The following DYNC2H1 variants were observed in gnomAD, a reference collection of about 807,000 sequenced individuals.
DYNC2H1 encodes the protein cytoplasmic dynein 2 heavy chain 1.
A neutral mutation model predicts 570.0 loss-of-function variants in DYNC2H1; 410 were observed. The ratio of observed to expected loss-of-function variants is 0.72; its 90% CI spans 0.66 to 0.78. The LOEUF (loss-of-function observed/expected upper bound fraction) is 0.78, where lower values mean the gene tolerates loss of function less well. DYNC2H1 is among the 30% of genes least tolerant of loss of function. DYNC2H1 has a pLI of 0.00. For synonymous variants in DYNC2H1, 1,688 were observed against 1,677.6 expected, an observed-to-expected ratio of 1.01 and a Z score of -0.15; for missense variants, 4,865 against 5,046.4, an observed-to-expected ratio of 0.96 and a Z score of 1.09.
At chr11:103,354,409 T>A (rs1247660741) in intron 82 of DYNC2H1, among the ~76,000 whole-genome samples, 1 of 152,122 alleles carries the variant, frequency 6.6e-6, no homozygotes, top group East Asian at 1.9e-4. Context: ...TACAATACGG[T>A]GATTTAGAAT....
intron 84 of DYNC2H1, among the ~76,000 whole-genome samples, chr11:103,419,631 G>T (rs1943410578): frequency 6.6e-6 from 1 of 150,952 alleles, no homozygotes; most frequent in Non-Finnish European, 1.5e-5. Context: ...AACCCCAAAG[G>T]TCAGCAACCT....
chr11:103,310,368 T>C (rs1473096842), intron 78 of DYNC2H1, among the ~76,000 whole-genome samples: 2 of 152,156 alleles, frequency 1.3e-5, no homozygotes, highest in African/African-American at 4.8e-5. Flanking sequence ...GCTTAATATG[T>C]CTTTGGCTTT....
At chr11:103,441,380 T>C (rs1565602371) in intron 85 of DYNC2H1, among the ~76,000 whole-genome samples, 1 of 150,658 alleles carries the variant, frequency 6.6e-6, no homozygotes, top group Non-Finnish European at 1.5e-5. Flanking sequence ...TACTTCTTAC[T>C]CTCTTTTCCA....
rs1320502936 is a variant in DYNC2H1 at position 103,363,106 on chromosome 11, G to A, written c.12156+4747G>A. ...TTAAGTATACTGACAGCTGGTCTAG[G>A]TTTAGCTTGATTTTTATCCTGTTAT... is the stretch of plus-strand genomic sequence containing the variant. On this transcript the variant is annotated intron_variant, in intron 83 of 88. Transcript: ENST00000375735. This position sits in a 1 kb window ranked among gnomAD's most constrained non-coding sequence, Gnocchi z 5.6. Among the ~76,000 whole-genome samples, 1 of 151,962 alleles carries A rather than the reference G, an allele frequency of 6.6e-6. No homozygotes were observed. The highest frequency in any genetic ancestry group is 1.5e-5 in the Non-Finnish European group (1 of 68,002).
At chr11:103,153,606 C>A (rs1033902186) in intron 22 of DYNC2H1, 98 bp downstream of exon 22, 9 of 1,078,130 alleles carry the variant, frequency 8.3e-6, no homozygotes, top group African/African-American at 1.6e-5. Flanking sequence ...GATAACTTTC[C>A]TCATAAACTT....
chr11:103,183,472 C>T (rs940328885), intron 40 of DYNC2H1, among the ~76,000 whole-genome samples: 4 of 151,818 alleles, frequency 2.6e-5, no homozygotes, highest in Admixed American at 2.0e-4. Context: ...TTTGAGGTCA[C>T]ACCGCTGTTT....
intron 29 of DYNC2H1, among the ~76,000 whole-genome samples, chr11:103,162,082 T>C (rs1383955801): frequency 6.6e-6 from 1 of 152,168 alleles, no homozygotes; most frequent in Non-Finnish European, 1.5e-5. Context: ...TGTAGTTTTG[T>C]TGGATATACA....
intron 82 of DYNC2H1, among the ~76,000 whole-genome samples, chr11:103,330,779 A>C (rs1185126770): frequency 6.6e-6 from 1 of 151,934 alleles, no homozygotes; most frequent in Non-Finnish European, 1.5e-5. Flanking sequence ...CAGTACTTTT[A>C]TCTTTCTAAT....
rs1358218878 is a variant in DYNC2H1, at chr11:103,153,408, A to G, written c.3202A>G (p.Ile1068Val). The G allele has an allele frequency of 3.8e-6, 6 of 1,560,856 alleles. No homozygotes were observed. The African/African-American group carries it at 4.1e-5, about 11-fold the overall frequency. Reference sequence around the variant, plus strand: ...CCAACTAAAGCCTGGTGATGATGTTATTGAAACTGGCCAACATAATACTCT... The same window carrying G: ...CCAACTAAAGCCTGGTGATGATGTTGTTGAAACTGGCCAACATAATACTCT... The part of the protein sequence containing the change: ...WDQLKPGDDV[I>V]ETGQHNTLDK... Residue 1068 changes from isoleucine (I) to valine (V), a missense_variant, in exon 22 of 89, where the codon ATT (isoleucine) becomes GTT (valine). Physicochemically the swap from Ile to Val is conservative, Grantham distance 29. Around this residue, in one of 5 missense-constraint regions of DYNC2H1, gnomAD observed 1,936 missense variants for 1,962.1 expected, o/e 0.99. Coordinates refer to ENST00000375735, the MANE Select transcript of DYNC2H1 (RefSeq NM_001377.3).
At chr11:103,450,489 C>T (rs990405389) in intron 85 of DYNC2H1, among the ~76,000 whole-genome samples, 4 of 152,150 alleles carry the variant, frequency 2.6e-5, no homozygotes, top group African/African-American at 9.7e-5. Flanking sequence ...ACAAAGTATG[C>T]TTTCTCACCA....
chr11:103,467,655 C>T (rs1455801515), intron 87 of DYNC2H1, among the ~76,000 whole-genome samples: 2 of 152,020 alleles, frequency 1.3e-5, no homozygotes, highest in African/African-American at 2.4e-5. Context: ...CTCCTGCCTC[C>T]GCCTCCAGAG....
intron 1 of DYNC2H1, among the ~76,000 whole-genome samples, chr11:103,111,375 G>A (rs535130160): frequency 6.6e-6 from 1 of 152,302 alleles, no homozygotes; most frequent in South Asian, 2.1e-4. Flanking sequence ...TAGCCATAAC[G>A]ACATTGTAAG....
chr11:103,147,916 A>G (rs764578744), intron 19 of DYNC2H1, 29 bp downstream of exon 19: 1 of 1,463,310 alleles, frequency 6.8e-7, no homozygotes, highest in South Asian at 1.2e-5. Flanking sequence ...TTTTATTTTT[A>G]CTTAATTTGA....
At chr11:103,193,620 C>T (rs1250954990) in intron 47 of DYNC2H1, among the ~76,000 whole-genome samples, 7 of 151,798 alleles carry the variant, frequency 4.6e-5, no homozygotes, top group East Asian at 1.9e-4. Context: ...CTCGGCCCAC[C>T]GCAACCTCCG....
intron 83 of DYNC2H1, among the ~76,000 whole-genome samples, chr11:103,388,177 C>A (rs1165059897): frequency 1.3e-5 from 2 of 151,822 alleles, no homozygotes; most frequent in African/African-American, 4.8e-5. Context: ...CTTTTATTTC[C>A]TTGAGCAGTG....
At chr11:103,413,328 C>T (rs1003327575) in intron 84 of DYNC2H1, among the ~76,000 whole-genome samples, 5 of 152,018 alleles carry the variant, frequency 3.3e-5, no homozygotes, top group Non-Finnish European at 5.9e-5. Flanking sequence ...TAATTATAAA[C>T]GTTGAATAAT....
chr11:103,175,786 A>C (rs1292379061), intron 36 of DYNC2H1, among the ~76,000 whole-genome samples: 2 of 152,304 alleles, frequency 1.3e-5, no homozygotes, highest in Admixed American at 1.3e-4. Context: ...CTGGAATTGA[A>C]TCTTAGCTGT....
At chr11:103,138,346 A>C (rs1194646311) in intron 17 of DYNC2H1, among the ~76,000 whole-genome samples, 2 of 152,036 alleles carry the variant, frequency 1.3e-5, no homozygotes, top group Non-Finnish European at 2.9e-5. Flanking sequence ...CCCATTCAGT[A>C]TGATATTGGC....
Position 103,241,567 on chromosome 11 carries a change from TTAAAA to T in DYNC2H1, c.9820-2122_9820-2118del. On this transcript the variant is annotated intron_variant, in intron 63 of 88. Transcript: ENST00000375735. The surrounding 1 kb of genome is among the most constrained non-coding windows in gnomAD (Gnocchi z 5.1). ...TCATGGGTAAGAACTTTTTAAAAAT[TTAAAA>T]TAATTACTTTTGTAGTTAGGCAAAA... The T allele has an allele frequency of 6.4e-7, 1 of 1,555,800 alleles. No homozygotes were observed. The highest frequency in any genetic ancestry group is 1.7e-5 in the Admixed American group (1 of 58,038).
Sources: allele counts gnomAD v4.1 joint callset (sites outside exome capture counted in the v4.1 genomes callset), GRCh38; gene constraint gnomAD v4.1.1; regional missense constraint gnomAD v4.1.1; non-coding constraint Gnocchi (gnomAD v3.1); transcripts MANE v1.5; gene names NCBI Gene and HGNC (gene_info 2026-07-23, HGNC 2026-07-21).